Variants in HDAC9 observed in about 807,000 individuals in gnomAD.
HDAC9 encodes MEF-2 interacting transcription repressor (MITR) protein.
A neutral mutation model predicts 139.4 loss-of-function variants in HDAC9; 41 were observed. That is an observed-to-expected ratio of 0.29 (90% CI 0.23 to 0.38). The LOEUF (loss-of-function observed/expected upper bound fraction) is 0.38, where lower values mean the gene tolerates loss of function less well. HDAC9 is among the 10% of genes least tolerant of loss of function. The probability of loss-of-function intolerance (pLI) is 1.00; values close to 1 mark genes in which losing one functional copy is unlikely to be tolerated. For synonymous variants in HDAC9, 517 were observed against 476.2 expected (o/e 1.09, Z -1.12); for missense variants, 1,147 against 1,297.0 (o/e 0.88, Z 1.78).
chr7:18,205,476 G>A (rs1791435987), intron 2 of HDAC9, among the ~76,000 whole-genome samples: 1 of 151,958 alleles, frequency 6.6e-6, no homozygotes, highest in South Asian at 2.1e-4. Context: ...AAACAGACAT[G>A]TAAAAATGTA....
At chr7:18,321,854 G>A (rs887757104) in intron 1 of HDAC9, among the ~76,000 whole-genome samples, 2 of 152,016 alleles carry the variant, frequency 1.3e-5, no homozygotes, top group Admixed American at 1.3e-4. Context: ...TTGTAGCTTT[G>A]AATATTTCAT....
At chr7:18,587,868 C>T (rs1338683625) in intron 3 of HDAC9, among the ~76,000 whole-genome samples, 4 of 152,178 alleles carry the variant, frequency 2.6e-5, no homozygotes, top group Non-Finnish European at 4.4e-5. Context: ...AAATTGTGTG[C>T]TTTTCTAGAT....
At chr7:18,678,911 A>G (rs923402512) in intron 12 of HDAC9, among the ~76,000 whole-genome samples, 4 of 152,068 alleles carry the variant, frequency 2.6e-5, no homozygotes, top group South Asian at 2.1e-4. Context: ...GTGCAAGTCT[A>G]TCATAACCTT....
At chr7:18,791,650 G>A (rs775611382) in intron 16 of HDAC9, among the ~76,000 whole-genome samples, 12 of 152,118 alleles carry the variant, frequency 7.9e-5, no homozygotes, top group African/African-American at 2.2e-4. Flanking sequence ...TAGAAAGCAC[G>A]GGTTTCTTCA....
At chr7:18,721,908 A>G (rs1478827283) in intron 12 of HDAC9, among the ~76,000 whole-genome samples, 3 of 152,220 alleles carry the variant, frequency 2.0e-5, no homozygotes, top group African/African-American at 7.2e-5. Flanking sequence ...AAGACCTTCT[A>G]GAACTATCCC....
At chr7:18,729,346 T>C (rs1312828378) in intron 13 of HDAC9, among the ~76,000 whole-genome samples, 2 of 152,056 alleles carry the variant, frequency 1.3e-5, no homozygotes. Context: ...TAAGCTTAAC[T>C]ACAAAGTTTC....
At chr7:18,739,992 C>G (rs971815337) in intron 13 of HDAC9, among the ~76,000 whole-genome samples, 13 of 152,214 alleles carry the variant, frequency 8.5e-5, no homozygotes, top group African/African-American at 3.1e-4. Flanking sequence ...ACCCCTTCCC[C>G]AGCCAGGCTG....
chr7:18,485,314 G>C (rs370117536), intron 1 of HDAC9, among the ~76,000 whole-genome samples: 1 of 151,844 alleles, frequency 6.6e-6, no homozygotes, highest in South Asian at 2.1e-4. Flanking sequence ...CCACCTTCTT[G>C]TTCATTATTT....
chr7:18,779,201 A>G (rs984329781), intron 16 of HDAC9, among the ~76,000 whole-genome samples: 2 of 152,012 alleles, frequency 1.3e-5, no homozygotes, highest in African/African-American at 4.8e-5. Flanking sequence ...CAAAAGAGAG[A>G]ATGCATGTGG....
intron 23 of HDAC9, among the ~76,000 whole-genome samples, chr7:18,943,809 T>C (rs540821044): frequency 6.6e-6 from 1 of 152,246 alleles, no homozygotes; most frequent in South Asian, 2.1e-4. Context: ...CTTATGTCAC[T>C]GCTATTGACC....
upstream of HDAC9, among the ~76,000 whole-genome samples, chr7:18,493,739 G>A (rs181167283): frequency 2.6e-5 from 4 of 151,316 alleles, no homozygotes; most frequent in East Asian, 1.9e-4. Flanking sequence ...CAAATATACC[G>A]CAATTTAAAA....
At chr7:18,755,338 AC>A (rs1375209620) in intron 14 of HDAC9, among the ~76,000 whole-genome samples, 1 of 152,188 alleles carries the variant, frequency 6.6e-6, no homozygotes, top group Non-Finnish European at 1.5e-5. Context: ...AAAACAACCA[AC>A]AAAAGGAAAT....
intron 11 of HDAC9, among the ~76,000 whole-genome samples, chr7:18,663,168 A>C (rs774045386): frequency 6.6e-6 from 1 of 152,032 alleles, no homozygotes; most frequent in Admixed American, 6.6e-5. Context: ...GAAAGGAATG[A>C]TGTTTGAAAT....
intron 25 of HDAC9, among the ~76,000 whole-genome samples, chr7:18,993,900 A>AT (rs1563116722): frequency 2.0e-5 from 3 of 152,178 alleles, no homozygotes; most frequent in African/African-American, 7.2e-5. Flanking sequence ...TAAGTGGTTT[A>AT]TTCCAAAAAA....
At chr7:18,324,789 G>T (rs891082676) in intron 1 of HDAC9, among the ~76,000 whole-genome samples, 3 of 152,218 alleles carry the variant, frequency 2.0e-5, no homozygotes, top group Non-Finnish European at 4.4e-5. Context: ...GTGCTTAGAG[G>T]TCCCTTTAAT....
intron 22 of HDAC9, among the ~76,000 whole-genome samples, chr7:18,902,163 A>G (rs915073038): frequency 6.6e-6 from 1 of 152,216 alleles, no homozygotes; most frequent in Non-Finnish European, 1.5e-5. Context: ...GGATGACAAC[A>G]GTGAAATGTC....
intron 2 of HDAC9, among the ~76,000 whole-genome samples, chr7:18,553,908 A>G (rs922402260): frequency 6.6e-6 from 1 of 152,150 alleles, no homozygotes; most frequent in African/African-American, 2.4e-5. Context: ...TTTATCCTCA[A>G]GGGACTTACA....
intron 22 of HDAC9, among the ~76,000 whole-genome samples, chr7:18,883,202 T>C (rs1208497380): frequency 2.0e-5 from 3 of 152,166 alleles, no homozygotes; most frequent in Admixed American, 1.3e-4. Flanking sequence ...AATAGTCCAG[T>C]GATGCTTTTT....
At chr7:18,382,422 T>A (rs536291526) in intron 1 of HDAC9, among the ~76,000 whole-genome samples, 1 of 152,364 alleles carries the variant, frequency 6.6e-6, no homozygotes, top group African/African-American at 2.4e-5. Flanking sequence ...ATGAAGGGAA[T>A]ATTGCCATTG....
Sources: gnomAD v4.1 joint callset for allele counts (sites outside exome capture counted in the v4.1 genomes callset) on GRCh38, gnomAD v4.1.1 for gene constraint, MANE v1.5 for transcripts, NCBI Gene and HGNC (gene_info 2026-07-23, HGNC 2026-07-21) for gene names.